Variants in MYLK4 observed in about 807,000 individuals in gnomAD.
MYLK4 encodes caMLCK like.
In MYLK4, 46 loss-of-function variants were observed where a neutral mutation model predicts 48.1. The ratio of observed to expected loss-of-function variants is 0.96; its 90% confidence interval spans 0.75 to 1.22. The LOEUF (loss-of-function observed/expected upper bound fraction) is 1.22. Ranked by LOEUF, MYLK4 falls within the 50% of genes most tolerant of loss-of-function variation. MYLK4 has a pLI of 0.00. For synonymous variants in MYLK4, 170 were observed against 180.8 expected (o/e 0.94, Z 0.48); for missense variants, 451 against 486.1 (o/e 0.93, Z 0.68).
rs746454542 is a variant in MYLK4, at chr6:2,683,166, C to A, written c.546-4G>T. 1 of 1,614,154 alleles carries A rather than the reference C, an allele frequency of 6.2e-7. No individual in the cohort carries two copies. The highest frequency in any genetic ancestry group is 8.5e-7 in the Non-Finnish European group (1 of 1,180,026). On this transcript the variant is annotated splice_polypyrimidine_tract_variant and splice_region_variant and intron_variant, in intron 6 of 12. Coordinates refer to ENST00000274643, the MANE Select transcript of MYLK4 (RefSeq NM_001012418.5). ...AAACAGCTCCCCACCATCCACACTG[C>A]AGAGGGAAGAGGACTGAAACCCTCA...
At chr6:2,766,594 C>G in the MYLK4 span, 4 of 1,357,172 alleles carry the variant, frequency 2.9e-6, no homozygotes, top group South Asian at 1.8e-5. Flanking sequence ...GGGGCAGTGC[C>G]TGGTCCACAG....
intron 2 of MYLK4, among the ~76,000 whole-genome samples, chr6:2,734,087 T>C (rs534166140): frequency 3.9e-5 from 6 of 152,058 alleles, no homozygotes; most frequent in African/African-American, 1.4e-4. Context: ...CCAAAAAACA[T>C]GCTAAAACCA....
chr6:2,765,498 G>A, the MYLK4 span: 4 of 1,207,200 alleles, frequency 3.3e-6, no homozygotes, highest in South Asian at 2.8e-5. Flanking sequence ...TCCGGCCCGC[G>A]AGCGTCCTGC....
chr6:2,684,587 A>G (rs773958077), intron 6 of MYLK4, among the ~76,000 whole-genome samples: 1 of 152,232 alleles, frequency 6.6e-6, no homozygotes, highest in Non-Finnish European at 1.5e-5. Flanking sequence ...ATCGTAAATC[A>G]AAATGTTTGA....
rs1245333387 is a variant in MYLK4, at chr6:2,716,641, G to A, written c.160-23782C>T. Among the ~76,000 whole-genome samples the A allele has an allele frequency of 2.6e-5, 4 of 152,060 alleles. No individual in the cohort carries two copies. In the East Asian group the frequency reaches 7.7e-4, roughly 29 times the overall value. On this transcript the variant is annotated intron_variant, in intron 2 of 12. Transcript: ENST00000274643. ...CAGAAAACTCCTTACAACCTAGTAG[G>A]GGAAACTGATCCACACATTATCAGT...
At chr6:2,764,955 C>T in the MYLK4 span, among the ~76,000 whole-genome samples, 2 of 152,132 alleles carry the variant, frequency 1.3e-5, no homozygotes. Context: ...TGGGTTTTTT[C>T]CCCCATTTCC....
At chr6:2,717,873 G>T (rs775486564) in intron 2 of MYLK4, among the ~76,000 whole-genome samples, 10 of 152,238 alleles carry the variant, frequency 6.6e-5, no homozygotes, top group East Asian at 5.8e-4. Context: ...ATCATTGTGT[G>T]AGAGATATAA....
At chr6:2,677,036 G>GTTA in intron 10 of MYLK4, among the ~76,000 whole-genome samples, 2 of 151,956 alleles carry the variant, frequency 1.3e-5, no homozygotes, top group Middle Eastern at 3.4e-3. Context: ...ACTAGCCAAG[G>GTTA]TTATTATTAT....
chr6:2,770,289 C>A, the MYLK4 span: 2 of 1,614,174 alleles, frequency 1.2e-6, no homozygotes, highest in South Asian at 1.1e-5. Context: ...GCGATCAACT[C>A]CCTGGGAATC....
At chr6:2,692,124 G>A (rs998156539) in intron 3 of MYLK4, among the ~76,000 whole-genome samples, 22 of 152,134 alleles carry the variant, frequency 1.4e-4, no homozygotes, top group Non-Finnish European at 7.4e-5. Flanking sequence ...AATGAAACCC[G>A]TTTCTCTCTT....
chr6:2,722,586 C>G (rs939057141), intron 2 of MYLK4, among the ~76,000 whole-genome samples: 2 of 148,926 alleles, frequency 1.3e-5, no homozygotes, highest in African/African-American at 2.5e-5. Flanking sequence ...AGACCTAATC[C>G]TCATCTTTCT....
rs369765942 is a variant in MYLK4, at chr6:2,674,047, G to A, written c.1119+1000C>T. On this transcript the variant is annotated intron_variant, in intron 11 of 12. Transcript: ENST00000274643. ...GGAGATGAGATTAGTTTAGGGATGG[G>A]AAGATCCTGGTGGAAACATCTAGTA... Among the ~76,000 whole-genome samples the A allele has an allele frequency of 5.4e-4, 83 of 152,322 alleles. 1 individual carries two copies. The South Asian group carries it at 0.016, about 29-fold the overall frequency.
intron 3 of MYLK4, among the ~76,000 whole-genome samples, chr6:2,692,526 T>G (rs968464908): frequency 6.6e-6 from 1 of 151,818 alleles, no homozygotes; most frequent in Non-Finnish European, 1.5e-5. Context: ...CAGGTTTCTT[T>G]TTATCAGCAG....
the MYLK4 span, among the ~76,000 whole-genome samples, chr6:2,765,200 C>T: frequency 1.1e-5 from 1 of 93,476 alleles, no homozygotes; most frequent in African/African-American, 3.5e-5. Flanking sequence ...CCCCGCCCCT[C>T]CCCCGCCCCC....
chr6:2,721,573 G>A (rs937413587), intron 2 of MYLK4, among the ~76,000 whole-genome samples: 21 of 150,918 alleles, frequency 1.4e-4, no homozygotes, highest in Admixed American at 1.1e-3. Flanking sequence ...AGAGAGGCAT[G>A]CATCGCAAGC....
At chr6:2,714,764 A>G (rs1762807781) in intron 2 of MYLK4, among the ~76,000 whole-genome samples, 1 of 152,240 alleles carries the variant, frequency 6.6e-6, no homozygotes, top group African/African-American at 2.4e-5. Context: ...ACACAATAGA[A>G]TATGATTCAG....
At chr6:2,737,583 G>A (rs1209496335) in intron 2 of MYLK4, among the ~76,000 whole-genome samples, 1 of 152,184 alleles carries the variant, frequency 6.6e-6, no homozygotes, top group Non-Finnish European at 1.5e-5. Context: ...TACATTTCAA[G>A]AAATCATGTG....
intron 10 of MYLK4, among the ~76,000 whole-genome samples, chr6:2,676,718 G>A (rs368286137): frequency 6.6e-6 from 1 of 152,140 alleles, no homozygotes; most frequent in African/African-American, 2.4e-5. Context: ...AGGAGTGAGC[G>A]GCACTGGAGC....
chr6:2,707,928 T>A (rs2113237689), intron 2 of MYLK4, among the ~76,000 whole-genome samples: 1 of 152,306 alleles, frequency 6.6e-6, no homozygotes, highest in Non-Finnish European at 1.5e-5. Flanking sequence ...ATACCATTCA[T>A]AAGCATCATA....
Sources: allele counts gnomAD v4.1 joint callset (sites outside exome capture counted in the v4.1 genomes callset), GRCh38; gene constraint gnomAD v4.1.1; transcripts MANE v1.5; gene names NCBI Gene and HGNC (gene_info 2026-07-23, HGNC 2026-07-21).